SEMA3A: variants seen among roughly 807,000 people sequenced by gnomAD.
The protein encoded by SEMA3A is semaphorin-3A.
Under a neutral mutation model 97.9 loss-of-function variants are expected in SEMA3A, and 29 were observed. The ratio of observed to expected loss-of-function variants is 0.30; its 90% CI spans 0.22 to 0.40. SEMA3A has a LOEUF of 0.40. SEMA3A is among the 10% of genes least tolerant of loss of function. The probability of loss-of-function intolerance (pLI) is 1.00; values close to 1 mark genes in which losing one functional copy is unlikely to be tolerated. For synonymous variants in SEMA3A, 321 were observed against 323.7 expected, an observed-to-expected ratio of 0.99 and a Z score of 0.09; for missense variants, 763 against 951.3, an observed-to-expected ratio of 0.80 and a Z score of 2.60.
At chr7:84,116,431 A>C (rs1795433601) in intron 3 of SEMA3A, among the ~76,000 whole-genome samples, 1 of 152,194 alleles carries the variant, frequency 6.6e-6, no homozygotes, top group Non-Finnish European at 1.5e-5. Context: ...CAATATAAAA[A>C]GGTTTGAAAA....
chr7:84,372,004 C>T (rs1030272661), intron 1 of SEMA3A: 1 of 152,012 alleles, frequency 6.6e-6, no homozygotes, highest in Non-Finnish European at 1.5e-5. Flanking sequence ...CACTTCTGTC[C>T]TATTGCCAGC....
At chr7:84,095,358 C>CACATATATATATAT (rs1211794166) in intron 4 of SEMA3A, among the ~76,000 whole-genome samples, 2,212 of 122,668 alleles carry the variant, frequency 0.018, 116 homozygotes, top group African/African-American at 0.049. Flanking sequence ...TTTTTATATA[C>CACATATATATATAT]ATATATATAT....
chr7:84,196,778 T>C (rs1370687035), upstream of SEMA3A, among the ~76,000 whole-genome samples: 1 of 152,152 alleles, frequency 6.6e-6, no homozygotes, highest in Non-Finnish European at 1.5e-5. Flanking sequence ...GACTAATGAA[T>C]TATCCTATTG....
chr7:84,380,581 A>T (rs746871926), intron 1 of SEMA3A, among the ~76,000 whole-genome samples: 5 of 152,170 alleles, frequency 3.3e-5, no homozygotes, highest in South Asian at 2.1e-4. Flanking sequence ...GAGTTAGCAT[A>T]GGTATTAGGT....
chr7:84,255,463 T>G (rs891010216), intron 3 of SEMA3A, among the ~76,000 whole-genome samples: 2 of 152,092 alleles, frequency 1.3e-5, no homozygotes, highest in African/African-American at 4.8e-5. Context: ...GATTGTAGAA[T>G]TCCAACTGGA....
chr7:84,086,530 T>TTATTATATTATATTTACATATAATA (rs1562770207), intron 4 of SEMA3A, among the ~76,000 whole-genome samples: 1 of 60,376 alleles, frequency 1.7e-5, no homozygotes, highest in Non-Finnish European at 4.8e-5. Context: ...ATATAATATA[T>TTATTATATTATATTTACATATAATA]TATTATATTA....
intron 3 of SEMA3A, among the ~76,000 whole-genome samples, chr7:84,120,496 A>G (rs569648205): frequency 6.6e-6 from 1 of 152,302 alleles, no homozygotes; most frequent in Admixed American, 6.5e-5. Context: ...GGCTACAGTT[A>G]AACTGTAATT....
rs965729498 is a variant in SEMA3A at position 84,376,528 on chromosome 7, C to T, written c.-245-4628G>A. 3.7e-4 allele frequency among the ~76,000 whole-genome samples: 39 copies of T among 104,632 alleles called. 5 individuals are homozygous for T. The highest frequency in any genetic ancestry group is 9.3e-4 in the East Asian group (2 of 2,152). The allele number at this position is 104,632 out of a possible 152,430, so 68.6% of individuals were successfully genotyped here. A position where few individuals can be genotyped will look rare whatever the true frequency, so the allele number is the denominator to read the frequency against. On this transcript the variant is annotated intron_variant, in intron 1 of 3. Transcript: ENST00000424555. ...CTGAGGCAGGAGAATGGCGTGAACC[C>T]GGGAGGCGGAGCTTGCAGTGAGCCG...
rs76798729 is a variant in SEMA3A, at chr7:84,176,370, A to G, written c.112+18105T>C. On this transcript the variant is annotated intron_variant, in intron 1 of 16. Transcript: ENST00000265362. ...GGGTGTAAATATGTTTTCTATTGGG[A>G]TTTCTCCCACAAATGGTTCATTTTC... is the stretch of plus-strand genomic sequence containing the variant. Among the ~76,000 whole-genome samples, 1,674 of 152,230 alleles carry G rather than the reference A, an allele frequency of 0.011. 55 individuals are homozygous for G. The East Asian group carries it at 0.14, about 12-fold the overall frequency.
chr7:84,487,582 T>G (rs1027296395), intron 1 of SEMA3A, among the ~76,000 whole-genome samples: 11 of 152,004 alleles, frequency 7.2e-5, no homozygotes, highest in African/African-American at 2.4e-4. Context: ...CAAATAAAAA[T>G]AAAGTAGTTA....
intron 1 of SEMA3A, among the ~76,000 whole-genome samples, chr7:84,151,960 A>G (rs1183598828): frequency 1.3e-5 from 2 of 151,660 alleles, no homozygotes; most frequent in Non-Finnish European, 3.0e-5. Context: ...ATCACTGGCC[A>G]TCAGAGAAAT....
At chr7:84,250,846 T>C (rs1799589883) in intron 3 of SEMA3A, among the ~76,000 whole-genome samples, 1 of 152,222 alleles carries the variant, frequency 6.6e-6, no homozygotes, top group Non-Finnish European at 1.5e-5. Context: ...TTTCATCATT[T>C]GCTTAAAAAA....
intron 6 of SEMA3A, among the ~76,000 whole-genome samples, chr7:84,044,362 C>T (rs754750959): frequency 2.6e-5 from 4 of 151,988 alleles, no homozygotes; most frequent in Non-Finnish European, 4.4e-5. Context: ...CATGAGACCC[C>T]GTCTATCCCT....
chr7:84,112,593 C>T (rs1287291293), intron 3 of SEMA3A, among the ~76,000 whole-genome samples: 1 of 152,168 alleles, frequency 6.6e-6, no homozygotes, highest in Non-Finnish European at 1.5e-5. Flanking sequence ...ACCTCTGCAA[C>T]TGTTATGAAT....
chr7:84,172,689 G>C (rs1287730976), intron 1 of SEMA3A, among the ~76,000 whole-genome samples: 1 of 152,116 alleles, frequency 6.6e-6, no homozygotes, highest in Admixed American at 6.6e-5. Flanking sequence ...GCCTCCCAAA[G>C]TGCTGGGATT....
intron 1 of SEMA3A, among the ~76,000 whole-genome samples, chr7:84,144,876 C>A (rs930906126): frequency 5.3e-5 from 8 of 152,082 alleles, no homozygotes; most frequent in Non-Finnish European, 7.4e-5. Context: ...CTCCTTAAAA[C>A]CTGGCTAGAG....
At position 83,986,668 on chromosome 7, in the gene SEMA3A, G is replaced by A. The variant is rs548354967; in HGVS notation, c.1453-1191C>T. On this transcript the variant is annotated intron_variant, in intron 12 of 16. Coordinates refer to ENST00000265362, the MANE Select transcript of SEMA3A (RefSeq NM_006080.3). ...AAGAAAGAGGCTTAGGTGGAACGATGGATCTTAAAAGACCTCACTGTGTAG... is the reference window on the plus strand; with the variant it reads ...AAGAAAGAGGCTTAGGTGGAACGATAGATCTTAAAAGACCTCACTGTGTAG... 7.2e-5 allele frequency among the ~76,000 whole-genome samples: 11 copies of A among 152,220 alleles called. No homozygotes were observed. The East Asian group carries it at 2.1e-3, about 29-fold the overall frequency.
At chr7:84,401,536 T>C (rs953351551) in intron 1 of SEMA3A, among the ~76,000 whole-genome samples, 6 of 147,696 alleles carry the variant, frequency 4.1e-5, no homozygotes, top group Non-Finnish European at 8.9e-5. Context: ...CTACAGAAGA[T>C]CCTGACATAG....
At chr7:84,373,275 C>T (rs555946171) in intron 1 of SEMA3A, among the ~76,000 whole-genome samples, 1 of 152,288 alleles carries the variant, frequency 6.6e-6, no homozygotes, top group East Asian at 1.9e-4. Flanking sequence ...TCCATAATAG[C>T]TCTTCAATAC....
Sources: gnomAD v4.1 joint callset for allele counts (sites outside exome capture counted in the v4.1 genomes callset) on GRCh38, gnomAD v4.1.1 for gene constraint, MANE v1.5 for transcripts, NCBI Gene and HGNC (gene_info 2026-07-23, HGNC 2026-07-21) for gene names.